The following ANK1 variants were observed in gnomAD, a reference collection of about 807,000 sequenced individuals.
ANK1 encodes the protein ankyrin-1.
In ANK1, 51 loss-of-function variants were observed where a neutral mutation model predicts 210.4. The ratio of observed to expected loss-of-function variants is 0.24; its 90% CI spans 0.19 to 0.31. ANK1 has a LOEUF of 0.31. Among genes scored for constraint, ANK1 ranks in the 10% least tolerant of loss-of-function variants. The probability of loss-of-function intolerance (pLI) is 1.00; values close to 1 mark genes in which losing one functional copy is unlikely to be tolerated. For synonymous variants in ANK1, 967 were observed against 1,025.9 expected (o/e 0.94, Z 1.10); for missense variants, 2,051 against 2,504.4 (o/e 0.82, Z 3.86).
intron 40 of ANK1, 87 bp from the exon 41 acceptor site, chr8:41,662,028 G>C (rs1414394797): frequency 6.7e-7 from 1 of 1,498,886 alleles, no homozygotes; most frequent in Non-Finnish European, 9.2e-7. Context: ...GGAGGCTGAC[G>C]TGCAGATCAT....
chr8:41,685,229 C>G (rs929670101), intron 36 of ANK1, among the ~76,000 whole-genome samples: 30 of 152,186 alleles, frequency 2.0e-4, no homozygotes, highest in African/African-American at 7.2e-4. Context: ...GTGCCCACCA[C>G]AGTGGCCAAT....
intron 1 of ANK1, among the ~76,000 whole-genome samples, chr8:41,815,294 A>T (rs564869587): frequency 6.6e-6 from 1 of 152,206 alleles, no homozygotes; most frequent in South Asian, 2.1e-4. Context: ...TTTTTAAGGC[A>T]GATCACTCAA....
rs183770748 is a variant in ANK1 at position 41,708,260 on chromosome 8, T to C, written c.1998+518A>G. On this transcript the variant is annotated intron_variant, in intron 17 of 42. Transcript: ENST00000289734. ...TCCTTTGAGAAGCTGAGAAACATTA[T>C]GAATGCTTCACCCAGAAAACTGCTC... Among the ~76,000 whole-genome samples, 719 of 152,338 alleles carry C rather than the reference T, an allele frequency of 4.7e-3. 6 individuals carry two copies. The highest frequency in any genetic ancestry group is 0.016 in the African/African-American group (668 of 41,570).
At chr8:41,872,967 C>T (rs554630874) in intron 1 of ANK1, among the ~76,000 whole-genome samples, 1 of 152,314 alleles carries the variant, frequency 6.6e-6, no homozygotes, top group South Asian at 2.1e-4. Flanking sequence ...TATAAAAACA[C>T]AATATTAAAT....
chr8:41,850,205 G>A (rs1258817995), intron 1 of ANK1, among the ~76,000 whole-genome samples: 2 of 152,118 alleles, frequency 1.3e-5, no homozygotes, highest in South Asian at 2.1e-4. Flanking sequence ...TTTCGCTCTC[G>A]TTACAGTGCA....
intron 41 of ANK1, 91 bp downstream of exon 41, chr8:41,661,785 G>C: frequency 6.2e-7 from 1 of 1,613,146 alleles, no homozygotes; most frequent in South Asian, 1.1e-5. Flanking sequence ...CCCCAGGGCC[G>C]CGGGCGCCTC....
Position 41,724,553 on chromosome 8 carries a change from G to T in ANK1, c.614C>A (p.Thr205Lys). 1 of 1,588,992 alleles carries T rather than the reference G, an allele frequency of 6.3e-7. No homozygotes were observed. Among genetic ancestry groups the T allele is most frequent in the Non-Finnish European group, 8.6e-7 (1 of 1,167,140 alleles). Residue 205 changes from threonine to lysine, a missense_variant and splice_region_variant, in exon 7 of 43, where the codon ACG becomes AAG. Thr to Lys is a moderately conservative substitution (Grantham distance 78). Transcript: ENST00000289734. ...NDPNPDVLSK[T>K]GFTPLHIAAH... ...CGCAATGTGCAGGGGCGTGAATCCC[G>T]TCTGGGGCACAACAGAGGGGGAGAA... is the stretch of plus-strand genomic sequence containing the variant.
At chr8:41,717,132 T>C (rs1827900235) in intron 12 of ANK1, 81 bp from the exon 13 acceptor site, 2 of 1,486,862 alleles carry the variant, frequency 1.3e-6, no homozygotes, top group Non-Finnish European at 1.9e-6. Flanking sequence ...AAGTGCAGTC[T>C]GGAGTGGCTT....
intron 37 of ANK1, among the ~76,000 whole-genome samples, chr8:41,682,886 T>C (rs192840611): frequency 1.2e-4 from 18 of 152,288 alleles, no homozygotes; most frequent in Non-Finnish European, 1.5e-5. Flanking sequence ...TTCCCCAGGT[T>C]TGTGGCTTCC....
rs368578500 is a variant in ANK1 at position 41,723,663 on chromosome 8, G to A, written c.712-30C>T. Reference sequence around the variant, plus strand: ...AGGGAGGAAGCAGGACGGTCAGGGCGCGTCATCCTTCCCTGGAATGCAGCT... The same window carrying A: ...AGGGAGGAAGCAGGACGGTCAGGGCACGTCATCCTTCCCTGGAATGCAGCT... On this transcript the variant is annotated intron_variant, in intron 7 of 42. Transcript: ENST00000289734. 4.1e-5 allele frequency: 65 copies of A among 1,600,210 alleles called. 1 individual carries two copies. The highest frequency in any genetic ancestry group is 3.4e-4 in the Middle Eastern group (2 of 5,960).
intron 1 of ANK1, chr8:41,803,466 A>G (rs2150778735): frequency 6.6e-6 from 1 of 152,214 alleles, no homozygotes; most frequent in Admixed American, 6.5e-5. Context: ...ATTGACCATG[A>G]TTCTCTTTGA....
In ANK1 at chr8:41,663,933, G is replaced by A. The variant is rs2150548615; in HGVS notation, c.5395-191C>T. ...CAGGGCGTGGGCGGCGCCCCTGAGG[G>A]TCTGGGAGGCCTGAAGACGAACGGT... On this transcript the variant is annotated intron_variant, in intron 39 of 42. Coordinates refer to ENST00000289734, the MANE Select transcript of ANK1 (RefSeq NM_000037.4). 7.5e-6 allele frequency: 5 copies of A among 668,234 alleles called. No homozygotes were observed. In the South Asian group the frequency reaches 7.8e-5, roughly 10 times the overall value. 41.4% of individuals were successfully genotyped at this position (668,234 alleles called of 1,614,324 possible).
chr8:41,831,046 A>G (rs1806507513), intron 1 of ANK1, among the ~76,000 whole-genome samples: 1 of 152,210 alleles, frequency 6.6e-6, no homozygotes, highest in African/African-American at 2.4e-5. Context: ...ATAAGCTTGC[A>G]GCAACAGATG....
chr8:41,698,253 A>G (rs1821660210), intron 23 of ANK1, 132 bp from the exon 24 acceptor site: 4 of 851,272 alleles, frequency 4.7e-6, no homozygotes, highest in Non-Finnish European at 7.7e-6. Flanking sequence ...ACCTGGTGGA[A>G]GGACCGCCTC....
intron 3 of ANK1, among the ~76,000 whole-genome samples, chr8:41,729,204 A>G (rs1414871763): frequency 6.6e-6 from 1 of 152,226 alleles, no homozygotes; most frequent in East Asian, 1.9e-4. Flanking sequence ...TACAAAGAAT[A>G]TGCAACATAC....
chr8:41,657,277 G>A (rs1237650820), intron 42 of ANK1, among the ~76,000 whole-genome samples: 6 of 152,156 alleles, frequency 3.9e-5, no homozygotes, highest in African/African-American at 7.2e-5. Flanking sequence ...CAGACCACCC[G>A]GGTTCAAGTC....
At chr8:41,667,248 G>A (rs1395380523) in intron 39 of ANK1, among the ~76,000 whole-genome samples, 1 of 152,154 alleles carries the variant, frequency 6.6e-6, no homozygotes, top group Non-Finnish European at 1.5e-5. Context: ...GGCAGCTCAG[G>A]GCCTTCCTTC....
intron 1 of ANK1, among the ~76,000 whole-genome samples, chr8:41,853,863 C>A (rs963654099): frequency 6.6e-6 from 1 of 152,150 alleles, no homozygotes; most frequent in South Asian, 2.1e-4. Flanking sequence ...TGGGCACCAG[C>A]GATCCTCCCA....
At chr8:41,661,707 G>T (rs771262758) in intron 41 of ANK1, 143 bp from the exon 42 acceptor site, 1 of 1,596,532 alleles carries the variant, frequency 6.3e-7, no homozygotes, top group Non-Finnish European at 8.5e-7. Flanking sequence ...AGCTCATAAA[G>T]AGGTGAGTGG....
Sources: allele counts gnomAD v4.1 joint callset (sites outside exome capture counted in the v4.1 genomes callset), GRCh38; gene constraint gnomAD v4.1.1; transcripts MANE v1.5; gene names NCBI Gene and HGNC (gene_info 2026-07-23, HGNC 2026-07-21).